Variants in MLLT6 observed in about 807,000 individuals in gnomAD.
MLLT6 encodes the protein protein AF-17.
In MLLT6, 22 loss-of-function variants were observed where a neutral mutation model predicts 103.0. The observed-to-expected ratio is 0.21, with a 90% CI of 0.15 to 0.31. MLLT6 has a LOEUF of 0.31. MLLT6 is among the 10% of genes least tolerant of loss of function. The pLI, the probability that MLLT6 is intolerant of heterozygous loss-of-function variation, is 1.00. For synonymous variants in MLLT6, 606 were observed against 623.5 expected (o/e 0.97, Z 0.42); for missense variants, 1,199 against 1,441.7 (o/e 0.83, Z 2.73).
In MLLT6 at chr17:38,728,362, C is replaced by T; in HGVS notation, c.*2764C>T. 4.3e-6 allele frequency: 1 copy of T among 233,302 alleles called. No homozygotes were observed. Among genetic ancestry groups the T allele is most frequent in the Non-Finnish European group, 8.5e-6 (1 of 118,078 alleles). The allele number at this position is 233,302 out of a possible 1,614,324, so 14.5% of individuals were successfully genotyped here. A position where few individuals can be genotyped will look rare whatever the true frequency, so the allele number is the denominator to read the frequency against. Reference sequence around the variant, plus strand: ...TGAATGGTGGAGGGTGGGAAGGGACCCAGATTTGTAGATCTCTTTGTCTGG... The same window carrying T: ...TGAATGGTGGAGGGTGGGAAGGGACTCAGATTTGTAGATCTCTTTGTCTGG... On this transcript the variant is annotated 3_prime_UTR_variant, in exon 20 of 20. Transcript: ENST00000621332.
intron 19 of MLLT6, chr17:38,725,183 C>G: frequency 1.8e-6 from 1 of 542,582 alleles, no homozygotes; most frequent in Non-Finnish European, 3.2e-6. Context: ...AGCATGGGCT[C>G]AGAGGAAAAG....
At position 38,716,644 on chromosome 17, in the gene MLLT6, G is replaced by T. The variant is rs773050949; in HGVS notation, c.1314G>T (p.Ser438=). Residue 438 remains serine, a synonymous_variant, in exon 10 of 20, where the codon TCG becomes TCT. Coordinates refer to ENST00000621332, the MANE Select transcript of MLLT6 (RefSeq NM_005937.4). The surrounding 1 kb of genome is among the most constrained non-coding windows in gnomAD (Gnocchi z 5.6). ...KSPHVTGSGA[S]AGTHKRMPAL... is the part of the protein sequence containing the mutation. ...CCCACGTCACGGGGTCTGGGGCCTC[G>T]GCAGGCACCCACAAACGGATGCCCG... The T allele has an allele frequency of 6.2e-7, 1 of 1,613,522 alleles. No individual in the cohort carries two copies. Among genetic ancestry groups the T allele is most frequent in the Non-Finnish European group, 8.5e-7 (1 of 1,179,920 alleles).
rs989448363 is a variant in MLLT6, at chr17:38,716,361, GCA to G, written c.1037-3_1037-2del. 2.1e-5 allele frequency: 33 copies of G among 1,606,940 alleles called. 1 individual carries two copies. In the African/African-American group the frequency reaches 3.0e-4, roughly 14 times the overall value. ...CCAGCTGTAACTGTTTCCCCTCTGT[GCA>G]CAGTCTCGTCCCTGCAGAGCTCCCC... On this transcript the variant is annotated splice_polypyrimidine_tract_variant and splice_region_variant and intron_variant, in intron 9 of 19. Transcript: ENST00000621332. The surrounding 1 kb of genome is among the most constrained non-coding windows in gnomAD (Gnocchi z 5.6).
chr17:38,720,759 G>C lies in MLLT6; in HGVS notation c.2442+12G>C. 6.2e-7 allele frequency: 1 copy of C among 1,612,250 alleles called. No individual in the cohort carries two copies. The highest frequency in any genetic ancestry group is 8.5e-7 in the Non-Finnish European group (1 of 1,178,828). The stretch of plus-strand genomic sequence containing the variant: ...CCACTTCTTCTGAGGTGGGCGCTAC[G>C]AGGAGTGGGGCAGGAAGGAGGGGGA... On this transcript the variant is annotated intron_variant, in intron 16 of 19. Transcript: ENST00000621332.
chr17:38,715,524 G>C lies in MLLT6; in HGVS notation c.820-88G>C, dbSNP rs113391156. The C allele has an allele frequency of 2.1e-3, 3,168 of 1,473,638 alleles. 58 individuals carry two copies. In the African/African-American group the frequency reaches 0.037, roughly 17 times the overall value. The allele number at this position is 1,473,638 out of a possible 1,614,324, so 91.3% of individuals were successfully genotyped here. On this transcript the variant is annotated intron_variant, in intron 8 of 19. Coordinates refer to ENST00000621332, the MANE Select transcript of MLLT6 (RefSeq NM_005937.4). ...CTGTGGGCTCTCCCAGTTGAGCTAG[G>C]TCCTGTGCCCTCCTGCTTCACTCCC...
At chr17:38,712,048 C>G (rs1905160045) in intron 7 of MLLT6, 34 bp downstream of exon 7, 3 of 1,514,812 alleles carry the variant, frequency 2.0e-6, no homozygotes, top group Non-Finnish European at 2.7e-6. Context: ...ATCACTCCCA[C>G]ACGGGGACTT....
rs368190324 is a variant in MLLT6, at chr17:38,725,549, C to T, written c.3241-8C>T. 1 of 1,606,754 alleles carries T rather than the reference C, an allele frequency of 6.2e-7. No individual in the cohort carries two copies. The highest frequency in any genetic ancestry group is 8.5e-7 in the Non-Finnish European group (1 of 1,176,982). The stretch of plus-strand genomic sequence containing the variant: ...CCACACCCCCGGCCTCCCTCCCTCT[C>T]TTTCCAGACCGCTGACAAAGGAGCC... On this transcript the variant is annotated splice_region_variant and splice_polypyrimidine_tract_variant and intron_variant, in intron 19 of 19. Transcript: ENST00000621332.
At chr17:38,725,240 G>A (rs1905961940) in intron 19 of MLLT6, 1 of 530,918 alleles carries the variant, frequency 1.9e-6, no homozygotes, top group Non-Finnish European at 3.3e-6. Context: ...ATTAGAAAAA[G>A]CCATTTTGTT....
chr17:38,708,840 G>A (rs1340910876), intron 4 of MLLT6, among the ~76,000 whole-genome samples: 1 of 152,258 alleles, frequency 6.6e-6, no homozygotes, highest in East Asian at 1.9e-4. Context: ...GGAGGTTGCA[G>A]TGAGCCGAGA....
rs892249115 is a variant in MLLT6 at position 38,705,423 on chromosome 17, G to A, written c.-210G>A. The A allele has an allele frequency of 3.0e-5, 12 of 393,630 alleles. No homozygotes were observed. Among genetic ancestry groups the A allele is most frequent in the Non-Finnish European group, 5.1e-5 (11 of 215,270 alleles). 24.4% of individuals were successfully genotyped at this position (393,630 alleles called of 1,614,324 possible). On this transcript the variant is annotated 5_prime_UTR_variant, in exon 1 of 20. Coordinates refer to ENST00000621332, the MANE Select transcript of MLLT6 (RefSeq NM_005937.4). ...GGGGCATGAGGGCGAGAGCACGGCG[G>A]GGGGGGCGGCCAGACAGAGCGAGCG... is the stretch of plus-strand genomic sequence containing the variant.
At position 38,719,762 on chromosome 17, in the gene MLLT6, C is replaced by T. The variant is rs764573625; in HGVS notation, c.2022C>T (p.Ser674=). The T allele has an allele frequency of 1.2e-6, 2 of 1,609,824 alleles. No individual in the cohort carries two copies. The highest frequency in any genetic ancestry group is 3.4e-5 in the Admixed American group (2 of 59,628). ...QESLSSMSPI[S]SLPALFDQTA... is the part of the protein sequence containing the mutation. ...CCTCTGGCCGCAGGTCCCCCATCAGCAGCCTCCCCGCACTCTTCGACCAGA... is the reference window on the plus strand; with the variant it reads ...CCTCTGGCCGCAGGTCCCCCATCAGTAGCCTCCCCGCACTCTTCGACCAGA... The change falls in exon 14 of 20, where the codon AGC becomes AGT. Residue 674 remains serine (S), a synonymous_variant. Coordinates refer to ENST00000621332, the MANE Select transcript of MLLT6 (RefSeq NM_005937.4).
chr17:38,724,988 G>A lies in MLLT6; in HGVS notation c.3240+12G>A. 6.7e-7 allele frequency: 1 copy of A among 1,491,960 alleles called. No homozygotes were observed. Among genetic ancestry groups the A allele is most frequent in the Admixed American group, 2.2e-5 (1 of 45,884 alleles). The allele number at this position is 1,491,960 out of a possible 1,614,324, so 92.4% of individuals were successfully genotyped here. On this transcript the variant is annotated intron_variant, in intron 19 of 19. Coordinates refer to ENST00000621332, the MANE Select transcript of MLLT6 (RefSeq NM_005937.4). The surrounding 1 kb of genome is among the most constrained non-coding windows in gnomAD (Gnocchi z 5.4). ...GCCCCAAAGGAGGGGTGAGTAAGGGGCCCGGGGCCTTCCTGCCTCCCCTCT... is the reference window on the plus strand; with the variant it reads ...GCCCCAAAGGAGGGGTGAGTAAGGGACCCGGGGCCTTCCTGCCTCCCCTCT...
At chr17:38,723,525 AATC>A (rs1905869453) in intron 18 of MLLT6, among the ~76,000 whole-genome samples, 1 of 152,120 alleles carries the variant, frequency 6.6e-6, no homozygotes, top group Non-Finnish European at 1.5e-5. Context: ...AAATAAGAAA[AATC>A]AACATTTTCA....
chr17:38,713,435 A>C, intron 8 of MLLT6: 63 of 215,348 alleles, frequency 2.9e-4, no homozygotes, highest in East Asian at 7.7e-4. Context: ...TGCCCTCCCC[A>C]TGGGAGGAGA....
chr17:38,723,803 C>A (rs2143711667), intron 18 of MLLT6, among the ~76,000 whole-genome samples: 1 of 150,182 alleles, frequency 6.7e-6, no homozygotes, highest in African/African-American at 2.5e-5. Context: ...AGTGCAATGG[C>A]ATGATATCGG....
At position 38,712,733 on chromosome 17, in the gene MLLT6, C is replaced by T. The variant is rs767490813; in HGVS notation, c.763C>T (p.Arg255Trp). 8.7e-6 allele frequency: 14 copies of T among 1,613,740 alleles called. No homozygotes were observed. The highest frequency in any genetic ancestry group is 3.3e-5 in the South Asian group (3 of 91,082). The change falls in exon 8 of 20, where the codon CGG (arginine) becomes TGG (tryptophan). Residue 255 changes from arginine (R) to tryptophan (W), a missense_variant. Physicochemically the swap from Arg to Trp is moderately radical, Grantham distance 101 (BLOSUM62 -3). Coordinates refer to ENST00000621332, the MANE Select transcript of MLLT6 (RefSeq NM_005937.4). Reference protein sequence around the residue: ...KERLKQKHKKRPESPPSILTP... With the variant: ...KERLKQKHKKWPESPPSILTP... ...ACGCCTTAAGCAGAAGCACAAGAAG[C>T]GGCCTGAGTCGCCCCCCAGCATCCT...
At chr17:38,710,530 G>C (rs1905110498) in intron 6 of MLLT6, among the ~76,000 whole-genome samples, 1 of 152,142 alleles carries the variant, frequency 6.6e-6, no homozygotes, top group African/African-American at 2.4e-5. Context: ...TGCAAGAAGG[G>C]GGATGGAGGG....
chr17:38,711,589 G>A (rs1319146081), intron 6 of MLLT6, among the ~76,000 whole-genome samples: 1 of 152,120 alleles, frequency 6.6e-6, no homozygotes, highest in Non-Finnish European at 1.5e-5. Context: ...CCTTGCTGGG[G>A]CCCAGACGCA....
intron 6 of MLLT6, among the ~76,000 whole-genome samples, chr17:38,711,644 C>T (rs986741430): frequency 6.6e-6 from 1 of 152,068 alleles, no homozygotes; most frequent in African/African-American, 2.4e-5. Flanking sequence ...GCACATTGGG[C>T]GAGCCAGCTG....
Sources: allele counts gnomAD v4.1 joint callset (sites outside exome capture counted in the v4.1 genomes callset), GRCh38; gene constraint gnomAD v4.1.1; non-coding constraint Gnocchi (gnomAD v3.1); transcripts MANE v1.5; gene names NCBI Gene and HGNC (gene_info 2026-07-23, HGNC 2026-07-21).